ELFN2: variants seen among roughly 807,000 people sequenced by gnomAD.
ELFN2 encodes the protein extracellular leucine rich repeat and fibronectin type III domain containing 2.
In ELFN2, 17 loss-of-function variants were observed where a neutral mutation model predicts 45.5. That is an observed-to-expected ratio of 0.37 (90% CI 0.26 to 0.56). The LOEUF (loss-of-function observed/expected upper bound fraction) is 0.56. ELFN2 is among the 20% of genes least tolerant of loss of function. The pLI, the probability that ELFN2 is intolerant of heterozygous loss-of-function variation, is 0.77. For synonymous variants in ELFN2, 550 were observed against 551.5 expected, an observed-to-expected ratio of 1.00 and a Z score of 0.04; for missense variants, 922 against 1,183.2, an observed-to-expected ratio of 0.78 and a Z score of 3.24.
At chr22:37,366,782 A>G (rs1241061526), downstream of ELFN2, among the ~76,000 whole-genome samples, 1 of 152,222 alleles carries the variant, frequency 6.6e-6, no homozygotes, top group Non-Finnish European at 1.5e-5. Flanking sequence ...GAAGCAGAGC[A>G]AAGGAGGGAC....
At position 37,427,356 on chromosome 22, in the gene ELFN2, C is replaced by A. The variant is rs1042638093; in HGVS notation, c.-672G>T. ...CCTCCGGGAAGCGGCGGCCGCGGGG[C>A]CTGCGCGTGTGAGTGTGAGTGTGAA... is the stretch of plus-strand genomic sequence containing the variant. On this transcript the variant is annotated 5_prime_UTR_variant, in exon 1 of 3. Transcript: ENST00000402918. The A allele has an allele frequency of 1.3e-5, 2 of 153,134 alleles. No homozygotes were observed. The highest frequency in any genetic ancestry group is 2.9e-5 in the Non-Finnish European group (2 of 68,796). 9.5% of individuals were successfully genotyped at this position (153,134 alleles called of 1,614,324 possible).
chr22:37,380,755 G>C (rs1244301195), intron 2 of ELFN2, among the ~76,000 whole-genome samples: 1 of 152,146 alleles, frequency 6.6e-6, no homozygotes, highest in Non-Finnish European at 1.5e-5. Context: ...CTCACCCCTT[G>C]CTGCTGGAAC....
At chr22:37,402,519 G>A (rs1932388532) in intron 2 of ELFN2, among the ~76,000 whole-genome samples, 1 of 152,180 alleles carries the variant, frequency 6.6e-6, no homozygotes, top group South Asian at 2.1e-4. Context: ...GATCTCACTA[G>A]AGGCATCACT....
In ELFN2 at chr22:37,368,187, G is replaced by C. The variant is rs1446354233; in HGVS notation, c.*4885C>G. 6.6e-6 allele frequency: 1 copy of C among 152,248 alleles called. No homozygotes were observed. Among genetic ancestry groups the C allele is most frequent in the Non-Finnish European group, 1.5e-5 (1 of 68,082 alleles). 9.4% of individuals were successfully genotyped at this position (152,248 alleles called of 1,614,324 possible). ...AAGGAAAGTTTCGTAACACAGCAAG[G>C]GTTCACAGGTTCAGAGCCCAGGGCC... On this transcript the variant is annotated 3_prime_UTR_variant, in exon 3 of 3. Coordinates refer to ENST00000402918, the MANE Select transcript of ELFN2 (RefSeq NM_052906.5).
intron 2 of ELFN2, among the ~76,000 whole-genome samples, chr22:37,408,867 A>G (rs1040465000): frequency 5.3e-5 from 8 of 152,208 alleles, no homozygotes; most frequent in Admixed American, 1.3e-4. Context: ...TAAGTTCTAT[A>G]AAGTTCTTAG....
intron 1 of ELFN2, among the ~76,000 whole-genome samples, chr22:37,350,740 C>T (rs766704906): frequency 3.3e-5 from 5 of 150,124 alleles, no homozygotes; most frequent in Admixed American, 6.6e-5. Flanking sequence ...ATCCCTGCTC[C>T]ACGCTGGCTG....
intron 1 of ELFN2, among the ~76,000 whole-genome samples, chr22:37,359,537 C>T (rs1303044500): frequency 6.6e-6 from 1 of 152,234 alleles, no homozygotes; most frequent in Non-Finnish European, 1.5e-5. Flanking sequence ...CCAACATTCT[C>T]GAGCGGCCCC....
chr22:37,412,919 C>T (rs1001955397), intron 2 of ELFN2, among the ~76,000 whole-genome samples: 1 of 152,186 alleles, frequency 6.6e-6, no homozygotes, highest in Admixed American at 6.5e-5. Flanking sequence ...GCACCCCTAA[C>T]CACGCTCCCC....
At chr22:37,381,388 CA>C (rs1227369943) in intron 2 of ELFN2, among the ~76,000 whole-genome samples, 20 of 152,256 alleles carry the variant, frequency 1.3e-4, no homozygotes, top group Middle Eastern at 3.4e-3. Flanking sequence ...TTCCATCAAT[CA>C]GGAAGTACTG....
Position 37,375,555 on chromosome 22 carries a change from G to A in ELFN2, c.-21C>T. ...AGCATGGCGCTGGCCTCGGAGTGAG[G>A]GGCCAGGGCAAGGCAGGGGGTGCCT... On this transcript the variant is annotated 5_prime_UTR_variant, in exon 3 of 3. Coordinates refer to ENST00000402918, the MANE Select transcript of ELFN2 (RefSeq NM_052906.5). 1.3e-6 allele frequency: 2 copies of A among 1,524,390 alleles called. No individual in the cohort carries two copies. Among genetic ancestry groups the A allele is most frequent in the Non-Finnish European group, 1.8e-6 (2 of 1,134,604 alleles). 94.4% of individuals were successfully genotyped at this position (1,524,390 alleles called of 1,614,324 possible). A position where few individuals can be genotyped will look rare whatever the true frequency, so the allele number is the denominator to read the frequency against.
chr22:37,394,547 G>A (rs1932162229), intron 2 of ELFN2, among the ~76,000 whole-genome samples: 1 of 152,206 alleles, frequency 6.6e-6, no homozygotes, highest in Non-Finnish European at 1.5e-5. Context: ...CAGCCCCCGT[G>A]GACCGTCAGG....
At chr22:37,377,932 CT>C (rs1480784118) in intron 2 of ELFN2, among the ~76,000 whole-genome samples, 1 of 151,894 alleles carries the variant, frequency 6.6e-6, no homozygotes, top group East Asian at 1.9e-4. Flanking sequence ...TCAGTTTCCC[CT>C]CCCACAGGTA....
At chr22:37,355,735 C>G (rs4821639) in intron 1 of ELFN2, among the ~76,000 whole-genome samples, 1 of 151,854 alleles carries the variant, frequency 6.6e-6, no homozygotes, top group Admixed American at 6.6e-5. Context: ...GCCGGGGGAG[C>G]CTCTCCACTC....
intron 1 of ELFN2, among the ~76,000 whole-genome samples, chr22:37,352,844 A>G (rs1457841229): frequency 6.6e-6 from 1 of 150,788 alleles, no homozygotes; most frequent in African/African-American, 2.4e-5. Flanking sequence ...TGTGGGAGAA[A>G]TGCACTCTGA....
At chr22:37,403,398 A>G (rs1347869350) in intron 2 of ELFN2, among the ~76,000 whole-genome samples, 2 of 134,774 alleles carry the variant, frequency 1.5e-5, no homozygotes, top group Admixed American at 7.2e-5. Flanking sequence ...GGGCGGGGCC[A>G]TGCAAGGCGA....
At chr22:37,363,262 CT>C (rs1201994867), downstream of ELFN2, among the ~76,000 whole-genome samples, 3 of 152,134 alleles carry the variant, frequency 2.0e-5, no homozygotes, top group Admixed American at 1.3e-4. Context: ...GGACTGAAGT[CT>C]ATAAATTCAC....
rs1931348190 is a variant in ELFN2, at chr22:37,370,920, C to T, written c.*2152G>A. ...GGAGTCTGCTTCCTCACACCCCTGGCTTCTCTGCCTGCTTGCTTTTCTCAG... is the reference window on the plus strand; with the variant it reads ...GGAGTCTGCTTCCTCACACCCCTGGTTTCTCTGCCTGCTTGCTTTTCTCAG... On this transcript the variant is annotated 3_prime_UTR_variant, in exon 3 of 3. Coordinates refer to ENST00000402918, the MANE Select transcript of ELFN2 (RefSeq NM_052906.5). The T allele has an allele frequency of 6.8e-6, 1 of 146,716 alleles. No homozygotes were observed. Among genetic ancestry groups the T allele is most frequent in the East Asian group, 2.0e-4 (1 of 4,906 alleles). The allele number at this position is 146,716 out of a possible 1,614,324, so 9.1% of individuals were successfully genotyped here.
intron 2 of ELFN2, chr22:37,385,227 C>G (rs1931917470): frequency 6.6e-6 from 1 of 152,230 alleles, no homozygotes; most frequent in African/African-American, 2.4e-5. Flanking sequence ...TCCGCACTTC[C>G]CATATTAACT....
At chr22:37,384,903 T>C (rs944237204) in intron 2 of ELFN2, 1 of 152,090 alleles carries the variant, frequency 6.6e-6, no homozygotes, top group Non-Finnish European at 1.5e-5. Context: ...CGGCTGCCTC[T>C]GCCTGCATGG....
Sources: allele counts gnomAD v4.1 joint callset (sites outside exome capture counted in the v4.1 genomes callset), GRCh38; gene constraint gnomAD v4.1.1; transcripts MANE v1.5; gene names NCBI Gene and HGNC (gene_info 2026-07-23, HGNC 2026-07-21).